CPSF3: variants seen among roughly 807,000 people sequenced by gnomAD.
CPSF3 encodes the protein cleavage and polyadenylation specific factor 3, also known as cleavage and polyadenylation specificity factor subunit 3.
Under a neutral mutation model 84.1 loss-of-function variants are expected in CPSF3, and 57 were observed. The observed-to-expected ratio is 0.68, with a 90% CI of 0.55 to 0.85. The LOEUF (loss-of-function observed/expected upper bound fraction) is 0.85, where lower values mean the gene tolerates loss of function less well. Among genes scored for constraint, CPSF3 ranks in the 40% least tolerant of loss-of-function variants. The pLI is 0.00. For synonymous variants in CPSF3, 275 were observed against 278.1 expected, an observed-to-expected ratio of 0.99 and a Z score of 0.11; for missense variants, 522 against 838.8, an observed-to-expected ratio of 0.62 and a Z score of 4.66.
At chr2:9,461,869 C>T (rs1681738589) in intron 15 of CPSF3, among the ~76,000 whole-genome samples, 1 of 150,674 alleles carries the variant, frequency 6.6e-6, no homozygotes, top group Non-Finnish European at 1.5e-5. Flanking sequence ...TCAAGCGATT[C>T]TCCTGCCTCA....
At chr2:9,449,410 AGTGAGACT>A (rs1681240917) in intron 11 of CPSF3, among the ~76,000 whole-genome samples, 1 of 151,994 alleles carries the variant, frequency 6.6e-6, no homozygotes, top group African/African-American at 2.4e-5. Context: ...TGAGTGACAG[AGTGAGACT>A]GTGTCTCAAA....
chr2:9,423,963 C>T (rs1280621152), intron 1 of CPSF3, 140 bp downstream of exon 1: 1 of 1,458,376 alleles, frequency 6.9e-7, no homozygotes, highest in Non-Finnish European at 9.1e-7. Flanking sequence ...GGCCAGGCTT[C>T]TCAGGCTCGA....
At chr2:9,431,741 G>A in intron 4 of CPSF3, among the ~76,000 whole-genome samples, 1 of 151,364 alleles carries the variant, frequency 6.6e-6, no homozygotes, top group East Asian at 2.0e-4. Flanking sequence ...AGTAGAGACG[G>A]GGTTTTACCA....
chr2:9,471,931 G>A (rs1014254491), intron 17 of CPSF3, among the ~76,000 whole-genome samples: 6 of 151,206 alleles, frequency 4.0e-5, no homozygotes, highest in Admixed American at 2.0e-4. Context: ...GCTTGAAACA[G>A]GGAGGCAGAG....
chr2:9,423,676 G>A lies in CPSF3; in HGVS notation c.-98G>A. 1 of 1,465,360 alleles carries A rather than the reference G, an allele frequency of 6.8e-7. No homozygotes were observed. Among genetic ancestry groups the A allele is most frequent in the Non-Finnish European group, 9.3e-7 (1 of 1,076,954 alleles). 90.8% of individuals were successfully genotyped at this position (1,465,360 alleles called of 1,614,324 possible). A position where few individuals can be genotyped will look rare whatever the true frequency, so the allele number is the denominator to read the frequency against. On this transcript the variant is annotated 5_prime_UTR_variant, in exon 1 of 18. An upstream start codon of the reference 5' UTR is lost. Coordinates refer to ENST00000238112, the MANE Select transcript of CPSF3 (RefSeq NM_016207.4). ...GACGGAAGTTGTGCTCTTGGTGAATGGGGTTCTTCCTTTTTTATTTACCGG... is the reference window on the plus strand; with the variant it reads ...GACGGAAGTTGTGCTCTTGGTGAATAGGGTTCTTCCTTTTTTATTTACCGG...
intron 15 of CPSF3, among the ~76,000 whole-genome samples, chr2:9,462,648 G>C (rs917083995): frequency 6.6e-6 from 1 of 152,144 alleles, no homozygotes; most frequent in Non-Finnish European, 1.5e-5. Context: ...GTCATAGGTT[G>C]GTTTGCCTTT....
At chr2:9,451,715 AC>A (rs1215318926) in intron 11 of CPSF3, among the ~76,000 whole-genome samples, 200 of 123,460 alleles carry the variant, frequency 1.6e-3, no homozygotes, top group Admixed American at 2.3e-3. Context: ...AATAAATGAA[AC>A]TTTTTTTTTT....
At chr2:9,424,331 C>T (rs765052912) in intron 1 of CPSF3, 13 of 858,144 alleles carry the variant, frequency 1.5e-5, no homozygotes, top group Non-Finnish European at 1.8e-5. Flanking sequence ...CTTCTCAGCT[C>T]AGGCCCTAGT....
intron 5 of CPSF3, 70 bp downstream of exon 5, chr2:9,432,758 T>C (rs1201529572): frequency 7.0e-6 from 8 of 1,138,036 alleles, no homozygotes; most frequent in Middle Eastern, 5.5e-4. Context: ...CAAGTACTAT[T>C]AAAAAAAAAA....
chr2:9,461,963 T>C (rs1681741032), intron 15 of CPSF3, among the ~76,000 whole-genome samples: 1 of 152,028 alleles, frequency 6.6e-6, no homozygotes, highest in Non-Finnish European at 1.5e-5. Flanking sequence ...GGTTTCTCCA[T>C]GTTGGTCGGG....
intron 15 of CPSF3, among the ~76,000 whole-genome samples, chr2:9,467,274 TAGAA>T (rs1457056422): frequency 2.0e-5 from 3 of 152,094 alleles, no homozygotes; most frequent in Non-Finnish European, 2.9e-5. Flanking sequence ...TTATATCTAA[TAGAA>T]AGCTAAATTT....
chr2:9,452,835 T>A, intron 11 of CPSF3, 78 bp from the exon 12 acceptor site: 1 of 862,274 alleles, frequency 1.2e-6, no homozygotes, highest in Admixed American at 2.7e-5. Context: ...TGGTCTTCAT[T>A]ATGATGAACT....
chr2:9,471,187 C>G (rs1486871305), intron 16 of CPSF3, among the ~76,000 whole-genome samples, 156 bp from the exon 17 acceptor site: 6 of 151,530 alleles, frequency 4.0e-5, no homozygotes, highest in African/African-American at 1.5e-4. Context: ...GCGCTCCAGC[C>G]TGGGCCACAG....
chr2:9,436,533 G>C (rs1245773659), intron 7 of CPSF3, among the ~76,000 whole-genome samples, 172 bp downstream of exon 7: 1 of 152,042 alleles, frequency 6.6e-6, no homozygotes, highest in African/African-American at 2.4e-5. Flanking sequence ...CAGCACTTTG[G>C]GAGGCTGAGG....
At chr2:9,430,972 C>A in intron 4 of CPSF3, 92 bp downstream of exon 4, 1 of 927,314 alleles carries the variant, frequency 1.1e-6, no homozygotes. Flanking sequence ...AAATGAGGTG[C>A]TCCCTTTTCA....
intron 15 of CPSF3, among the ~76,000 whole-genome samples, chr2:9,462,855 T>TTTCCGTGTG (rs1237959874): frequency 6.6e-6 from 1 of 152,224 alleles, no homozygotes; most frequent in East Asian, 1.9e-4. Flanking sequence ...AACTGGGCTG[T>TTTCCGTGTG]TTCCGTGTGT....
chr2:9,429,969 C>T lies in CPSF3; in HGVS notation c.161C>T (p.Pro54Leu). The T allele has an allele frequency of 1.9e-6, 3 of 1,593,482 alleles. No homozygotes were observed. Among genetic ancestry groups the T allele is most frequent in the Non-Finnish European group, 1.7e-6 (2 of 1,172,830 alleles). Reference protein sequence around the residue: ...HPGLEGMDALPYIDLIDPAEI... With the variant: ...HPGLEGMDALLYIDLIDPAEI... ...GGCCTAGAAGGAATGGATGCTCTTC[C>T]TTATATTGATTTAATTGACCCAGCT... is the stretch of plus-strand genomic sequence containing the variant. The change falls in exon 3 of 18, where the codon CCT (proline) becomes CTT (leucine). Residue 54 changes from proline to leucine, a missense_variant. Pro to Leu is a moderately conservative substitution (Grantham distance 98). Transcript: ENST00000238112.
intron 15 of CPSF3, among the ~76,000 whole-genome samples, chr2:9,466,139 G>C (rs1189319238): frequency 2.0e-5 from 3 of 152,054 alleles, no homozygotes; most frequent in Non-Finnish European, 4.4e-5. Context: ...CCAGGAGTTT[G>C]AGACCAACTT....
At position 9,430,161 on chromosome 2, in the gene CPSF3, A is replaced by G. The variant is rs1020153541; in HGVS notation, c.212+141A>G. On this transcript the variant is annotated intron_variant, in intron 3 of 17. Coordinates refer to ENST00000238112, the MANE Select transcript of CPSF3 (RefSeq NM_016207.4). ...ATTGCAGACATCTGAGTCTAAACCAACACTCCGTAATGTCATCACAGGCTA... is the reference window on the plus strand; with the variant it reads ...ATTGCAGACATCTGAGTCTAAACCAGCACTCCGTAATGTCATCACAGGCTA... 11 of 562,228 alleles carry G rather than the reference A, an allele frequency of 2.0e-5. No homozygotes were observed. The East Asian group carries it at 2.0e-4, about 10-fold the overall frequency. The allele number at this position is 562,228 out of a possible 1,614,324, so 34.8% of individuals were successfully genotyped here.
Sources: gnomAD v4.1 joint callset for allele counts (sites outside exome capture counted in the v4.1 genomes callset) on GRCh38, gnomAD v4.1.1 for gene constraint, MANE v1.5 for transcripts, NCBI Gene and HGNC (gene_info 2026-07-23, HGNC 2026-07-21) for gene names.